The following CENPC variants were observed in gnomAD, a reference collection of about 807,000 sequenced individuals.
The protein encoded by CENPC is centromere protein C.
CENPC carries 63 observed loss-of-function variants against 112.1 expected under a neutral mutation model. That is an observed-to-expected ratio of 0.56 (90% CI 0.46 to 0.69). The LOEUF is 0.69. Among genes scored for constraint, CENPC ranks in the 30% least tolerant of loss-of-function variants. CENPC has a pLI of 0.00. For synonymous variants in CENPC, 333 were observed against 367.6 expected (o/e 0.91, Z 1.08); for missense variants, 1,000 against 1,103.8 (o/e 0.91, Z 1.33).
intron 17 of CENPC, among the ~76,000 whole-genome samples, chr4:67,479,286 C>T (rs1724891229): frequency 6.6e-6 from 1 of 152,180 alleles, no homozygotes; most frequent in Non-Finnish European, 1.5e-5. Flanking sequence ...TTCATCAGCT[C>T]ATGGAACATT....
chr4:67,504,941 T>A, intron 12 of CENPC: 1 of 424,680 alleles, frequency 2.4e-6, no homozygotes, highest in South Asian at 4.1e-5. Context: ...GCTTCATGTA[T>A]ACCCTTATTA....
At chr4:67,490,360 C>A (rs377137113) in intron 16 of CENPC, among the ~76,000 whole-genome samples, 1 of 151,910 alleles carries the variant, frequency 6.6e-6, no homozygotes, top group Non-Finnish European at 1.5e-5. Context: ...ATTTCCTTTT[C>A]GATAAAATTA....
At chr4:67,481,393 G>C (rs1200157974) in intron 17 of CENPC, among the ~76,000 whole-genome samples, 1 of 152,024 alleles carries the variant, frequency 6.6e-6, no homozygotes, top group African/African-American at 2.4e-5. Context: ...CAAAGAACTA[G>C]AAAAAGCAAT....
At chr4:67,492,099 T>A in intron 16 of CENPC, 81 bp downstream of exon 16, 1 of 930,548 alleles carries the variant, frequency 1.1e-6, no homozygotes, top group South Asian at 1.6e-5. Flanking sequence ...AAAGGGAAAG[T>A]AGACAGGCCA....
At chr4:67,501,209 G>A (rs2109788422) in intron 12 of CENPC, among the ~76,000 whole-genome samples, 1 of 152,294 alleles carries the variant, frequency 6.6e-6, no homozygotes, top group East Asian at 1.9e-4. Flanking sequence ...TCAGGAGGCT[G>A]AGGCATGAGA....
At chr4:67,495,081 A>C in intron 13 of CENPC, 78 bp downstream of exon 13, 1 of 1,280,798 alleles carries the variant, frequency 7.8e-7, no homozygotes, top group Non-Finnish European at 1.0e-6. Flanking sequence ...CTGCTTAAGA[A>C]GAAATAAGTT....
chr4:67,541,715 A>G (rs1726894877), intron 2 of CENPC, among the ~76,000 whole-genome samples: 2 of 152,192 alleles, frequency 1.3e-5, no homozygotes, highest in Admixed American at 1.3e-4. Context: ...GTTTGTGTGT[A>G]TATATACAAA....
At chr4:67,502,176 T>C (rs982900301) in intron 12 of CENPC, among the ~76,000 whole-genome samples, 1 of 152,100 alleles carries the variant, frequency 6.6e-6, no homozygotes, top group Non-Finnish European at 1.5e-5. Flanking sequence ...TGGTGGTTCA[T>C]TGTGTTTAAA....
intron 17 of CENPC, among the ~76,000 whole-genome samples, chr4:67,486,026 G>C (rs1354519708): frequency 6.6e-6 from 1 of 151,698 alleles, no homozygotes; most frequent in Admixed American, 6.6e-5. Flanking sequence ...AACTTAATAA[G>C]ACAAAAAAAG....
At chr4:67,544,223 G>C (rs1006439691) in intron 1 of CENPC, 28 bp from the exon 2 acceptor site, 2 of 1,368,020 alleles carry the variant, frequency 1.5e-6, no homozygotes, top group Non-Finnish European at 2.1e-6. Context: ...CATCAATTTG[G>C]TTTCTTTAAG....
chr4:67,495,254 A>G (rs1395321657), intron 12 of CENPC, 42 bp from the exon 13 acceptor site: 3 of 1,449,832 alleles, frequency 2.1e-6, no homozygotes, highest in Non-Finnish European at 2.8e-6. Flanking sequence ...ATGACTGCTA[A>G]TTCCATGTTA....
rs368389423 is a variant in CENPC at position 67,519,445 on chromosome 4, G to A, written c.389C>T (p.Thr130Ile). 27 of 1,607,666 alleles carry A rather than the reference G, an allele frequency of 1.7e-5. No individual in the cohort carries two copies. The Admixed American group carries it at 4.4e-4, about 26-fold the overall frequency. Residue 130 changes from threonine to isoleucine, a missense_variant, in exon 6 of 19, where the codon ACA becomes ATA. Coordinates refer to ENST00000273853, the MANE Select transcript of CENPC (RefSeq NM_001812.4). ...ILATDVSSKN[T>I]PDSKKISSRN... Reference sequence around the variant, plus strand: ...ACTTGATATTTTTTTCGAGTCAGGTGTATTTTTGGAACTAACATCAGTTGC... The same window carrying A: ...ACTTGATATTTTTTTCGAGTCAGGTATATTTTTGGAACTAACATCAGTTGC...
intron 12 of CENPC, 115 bp from the exon 13 acceptor site, chr4:67,495,327 AT>A: frequency 3.1e-6 from 3 of 953,976 alleles, no homozygotes; most frequent in Non-Finnish European, 4.5e-6. Flanking sequence ...TGACCTGATA[AT>A]GTATTTTATT....
rs532647469 is a variant in CENPC, at chr4:67,543,489, G to A, written c.65+660C>T. Among the ~76,000 whole-genome samples the A allele has an allele frequency of 2.7e-3, 405 of 152,196 alleles. 2 individuals are homozygous for A. The highest frequency in any genetic ancestry group is 4.9e-3 in the Non-Finnish European group (331 of 67,986). On this transcript the variant is annotated intron_variant, in intron 2 of 18. Coordinates refer to ENST00000273853, the MANE Select transcript of CENPC (RefSeq NM_001812.4). ...AATTATATATAGGCCTACTCTCTATGATACACAAGTCATTACTTCAGTATT... is the reference window on the plus strand; with the variant it reads ...AATTATATATAGGCCTACTCTCTATAATACACAAGTCATTACTTCAGTATT...
intron 9 of CENPC, chr4:67,510,592 T>C (rs1246030640): frequency 1.2e-5 from 2 of 173,256 alleles, no homozygotes; most frequent in Non-Finnish European, 2.5e-5. Flanking sequence ...GAGCCCGAAC[T>C]GATACAATCC....
In CENPC at chr4:67,514,655, G is replaced by A; in HGVS notation, c.863C>T (p.Pro288Leu). The A allele has an allele frequency of 1.9e-6, 3 of 1,608,534 alleles. No individual in the cohort carries two copies. The highest frequency in any genetic ancestry group is 3.8e-4 in the Middle Eastern group (2 of 5,274). The stretch of plus-strand genomic sequence containing the variant: ...CGTATCATCGGGAGGACACGAATGA[G>A]GTGGAGCAGTTGCCGCATGCCTAAC... ...PIVRHAATAP[P>L]HSCPPDDTKL... Residue 288 changes from proline to leucine, a missense_variant, in exon 8 of 19, where the codon CCT (proline) becomes CTT (leucine). Physicochemically the swap from Pro to Leu is moderately conservative, Grantham distance 98. Coordinates refer to ENST00000273853, the MANE Select transcript of CENPC (RefSeq NM_001812.4).
At chr4:67,490,901 T>A (rs1400560184) in intron 16 of CENPC, among the ~76,000 whole-genome samples, 1 of 145,298 alleles carries the variant, frequency 6.9e-6, no homozygotes, top group Non-Finnish European at 1.5e-5. Flanking sequence ...AATATATATA[T>A]AGAAATATAT....
chr4:67,519,978 G>GA (rs994696341), intron 5 of CENPC, among the ~76,000 whole-genome samples: 1 of 151,974 alleles, frequency 6.6e-6, no homozygotes, highest in Admixed American at 6.5e-5. Context: ...AAAGCTGGAA[G>GA]AAAAAAAGGT....
chr4:67,474,203 C>G (rs1724744096), intron 18 of CENPC, among the ~76,000 whole-genome samples: 1 of 151,708 alleles, frequency 6.6e-6, no homozygotes, highest in African/African-American at 2.4e-5. Flanking sequence ...TAGCTGGGAC[C>G]ACAGGTGTCC....
Sources: gnomAD v4.1 joint callset for allele counts (sites outside exome capture counted in the v4.1 genomes callset) on GRCh38, gnomAD v4.1.1 for gene constraint, MANE v1.5 for transcripts, NCBI Gene and HGNC (gene_info 2026-07-23, HGNC 2026-07-21) for gene names.